Variants in PTPRD observed in about 807,000 individuals in gnomAD.
The protein encoded by PTPRD is receptor-type tyrosine-protein phosphatase delta.
Under a neutral mutation model 214.5 loss-of-function variants are expected in PTPRD, and 34 were observed. The ratio of observed to expected loss-of-function variants is 0.16; its 90% CI spans 0.12 to 0.21. The LOEUF (loss-of-function observed/expected upper bound fraction) is 0.21, where lower values mean the gene tolerates loss of function less well. PTPRD is among the 10% of genes least tolerant of loss of function. The pLI is 1.00. For missense variants in PTPRD, 2,545 were observed against 2,398.7 expected (o/e 1.06, Z -1.27); for synonymous variants, 1,128 against 845.7 (o/e 1.33, Z -5.79).
At chr9:8,381,085 G>C (rs137863858) in intron 37 of PTPRD, among the ~76,000 whole-genome samples, 1 of 152,152 alleles carries the variant, frequency 6.6e-6, no homozygotes. Context: ...TAAATGATAC[G>C]TGGGATACCA....
rs577471241 is a variant in PTPRD at position 10,600,262 on chromosome 9, A to G, written c.-600+12136T>C. Among the ~76,000 whole-genome samples the G allele has an allele frequency of 1.1e-3, 165 of 151,802 alleles. 1 individual carries two copies. Among genetic ancestry groups the G allele is most frequent in the Admixed American group, 4.2e-3 (64 of 15,210 alleles). On this transcript the variant is annotated intron_variant, in intron 2 of 45. Transcript: ENST00000381196. ...CTTGGTCATATGTTATATAAATATT[A>G]AAAAAAGTTTTCTGGAATTTCTTAT... is the stretch of plus-strand genomic sequence containing the variant.
chr9:8,738,359 G>A (rs897682029), intron 11 of PTPRD, among the ~76,000 whole-genome samples: 4 of 149,386 alleles, frequency 2.7e-5, no homozygotes, highest in African/African-American at 1.0e-4. Flanking sequence ...TGAAGGATTT[G>A]TACTATTTTT....
chr9:10,185,549 G>A (rs758475226), intron 3 of PTPRD, among the ~76,000 whole-genome samples: 13 of 152,042 alleles, frequency 8.6e-5, no homozygotes, highest in East Asian at 5.8e-4. Context: ...TGTTATCTGC[G>A]TTTTACAAAC....
At chr9:8,814,057 A>G (rs2096871339) in intron 11 of PTPRD, among the ~76,000 whole-genome samples, 2 of 152,200 alleles carry the variant, frequency 1.3e-5, no homozygotes, top group Non-Finnish European at 1.5e-5. Flanking sequence ...GCACCTTGGT[A>G]TCTCCCCAGA....
At chr9:10,121,309 T>G (rs2098773260) in intron 3 of PTPRD, among the ~76,000 whole-genome samples, 1 of 152,162 alleles carries the variant, frequency 6.6e-6, no homozygotes, top group South Asian at 2.1e-4. Context: ...TTCCAAAGTT[T>G]TTTAGAGTTG....
chr9:10,540,314 C>T (rs2058811843), intron 2 of PTPRD, among the ~76,000 whole-genome samples: 1 of 152,160 alleles, frequency 6.6e-6, no homozygotes, highest in Non-Finnish European at 1.5e-5. Context: ...AGGCATGAGC[C>T]ACCGGACCCG....
chr9:10,590,884 T>C (rs2075272929), intron 2 of PTPRD, among the ~76,000 whole-genome samples: 2 of 150,912 alleles, frequency 1.3e-5, no homozygotes, highest in Non-Finnish European at 3.0e-5. Context: ...GAATACCTTG[T>C]ATAATGCAAA....
Position 8,880,145 on chromosome 9 carries a change from A to AT in PTPRD, c.-104+138551dup, listed in dbSNP as rs531584082. On this transcript the variant is annotated intron_variant, in intron 11 of 45. Transcript: ENST00000381196. ...CTAAACCATAAGAAACAAAGGTGGC[A>AT]TTTTTTTCTCAGTCATAGCCCTGAG... Among the ~76,000 whole-genome samples, 110 of 152,128 alleles carry AT rather than the reference A, an allele frequency of 7.2e-4. 2 individuals carry two copies. The highest frequency in any genetic ancestry group is 2.3e-3 in the South Asian group (11 of 4,824).
intron 9 of PTPRD, among the ~76,000 whole-genome samples, chr9:9,187,874 T>C (rs568453867): frequency 7.6e-4 from 116 of 152,080 alleles, no homozygotes; most frequent in African/African-American, 2.6e-3. Context: ...GCAGGACTTC[T>C]TGGAATCCTG....
intron 11 of PTPRD, among the ~76,000 whole-genome samples, chr9:8,795,382 G>T (rs570053577): frequency 2.4e-4 from 36 of 152,194 alleles, no homozygotes; most frequent in African/African-American, 8.4e-4. Context: ...TGGCCATGCT[G>T]ATCTCGAACT....
chr9:10,034,407 C>CTTTTTTTTTTTTTTTTTTTTTTTTTT (rs56827836), intron 3 of PTPRD, among the ~76,000 whole-genome samples: 1 of 89,542 alleles, frequency 1.1e-5, no homozygotes, highest in Non-Finnish European at 2.1e-5. Context: ...CCTGGCTCTA[C>CTTTTTTTTTTTTTTTTTTTTTTTTTT]TTTTTTTTTT....
intron 11 of PTPRD, among the ~76,000 whole-genome samples, chr9:8,783,099 C>T (rs1163231465): frequency 6.6e-6 from 1 of 152,096 alleles, no homozygotes; most frequent in Non-Finnish European, 1.5e-5. Flanking sequence ...CAAATTACAG[C>T]ATATCAACAT....
intron 35 of PTPRD, among the ~76,000 whole-genome samples, chr9:8,417,708 G>C (rs992801611): frequency 5.3e-5 from 8 of 152,066 alleles, no homozygotes; most frequent in Non-Finnish European, 1.2e-4. Flanking sequence ...TACTGTGAGA[G>C]AGACAGCTAC....
chr9:9,146,077 A>T (rs2099868137), intron 10 of PTPRD, among the ~76,000 whole-genome samples: 1 of 152,232 alleles, frequency 6.6e-6, no homozygotes. Context: ...GTTCAGTGAC[A>T]TCAGACCACA....
chr9:8,373,612 GGTGTGTGTGTGTGTGTGTGT>G (rs36212158), intron 39 of PTPRD, among the ~76,000 whole-genome samples: 13 of 141,570 alleles, frequency 9.2e-5, no homozygotes, highest in African/African-American at 7.9e-5. Context: ...CATGGATGCG[GGTGTGTGTGTGTGTGTGTGT>G]GTGTGTGTGT....
chr9:9,473,108 C>G (rs546720876), intron 8 of PTPRD, among the ~76,000 whole-genome samples: 86 of 152,114 alleles, frequency 5.7e-4, no homozygotes, highest in Non-Finnish European at 1.0e-3. Context: ...ACCAATGTAT[C>G]CTTATCTTCC....
intron 7 of PTPRD, among the ~76,000 whole-genome samples, chr9:9,699,749 T>G (rs1002925187): frequency 5.3e-5 from 8 of 152,176 alleles, no homozygotes; most frequent in Admixed American, 5.2e-4. Flanking sequence ...AGTTGAAAAT[T>G]ATCCACTAAT....
At chr9:10,576,849 G>A (rs1461718960) in intron 2 of PTPRD, among the ~76,000 whole-genome samples, 2 of 152,194 alleles carry the variant, frequency 1.3e-5, no homozygotes, top group South Asian at 2.1e-4. Flanking sequence ...ATACATCATT[G>A]TTAACAAGGG....
chr9:10,141,701 C>T (rs1354643556), intron 3 of PTPRD, among the ~76,000 whole-genome samples: 1 of 151,918 alleles, frequency 6.6e-6, no homozygotes, highest in Non-Finnish European at 1.5e-5. Context: ...GATTCAATGC[C>T]ATCCCCATCA....
Sources: gnomAD v4.1 joint callset for allele counts (sites outside exome capture counted in the v4.1 genomes callset) on GRCh38, gnomAD v4.1.1 for gene constraint, MANE v1.5 for transcripts, NCBI Gene and HGNC (gene_info 2026-07-23, HGNC 2026-07-21) for gene names.